Variants in TMEM47 observed in about 807,000 individuals in gnomAD.
TMEM47 encodes transmembrane protein 47, also known as brain cell membrane protein 1.
Under a neutral mutation model 12.4 loss-of-function variants are expected in TMEM47, and 3 were observed. The ratio of observed to expected loss-of-function variants is 0.24; its 90% CI spans 0.11 to 0.63. TMEM47 has a LOEUF of 0.63. TMEM47 is among the 20% of genes least tolerant of loss of function. The pLI, the probability that TMEM47 is intolerant of heterozygous loss-of-function variation, is 0.86. For synonymous variants in TMEM47, 62 were observed against 63.3 expected, an observed-to-expected ratio of 0.98 and a Z score of 0.10; for missense variants, 89 against 143.8, an observed-to-expected ratio of 0.62 and a Z score of 1.95.
intron 2 of TMEM47, among the ~76,000 whole-genome samples, chrX:34,636,347 C>A (rs780103232): frequency 6.3e-5 from 7 of 111,619 alleles, no homozygotes; most frequent in African/African-American, 2.3e-4. Flanking sequence ...TTATAGGAGG[C>A]TTTCTGCAGA....
At chrX:34,652,007 A>T (rs1444554675) in intron 1 of TMEM47, among the ~76,000 whole-genome samples, 2 of 112,309 alleles carry the variant, frequency 1.8e-5, no homozygotes, top group African/African-American at 6.5e-5. Context: ...TAACACTAAC[A>T]AACAGGCACT....
intron 2 of TMEM47, among the ~76,000 whole-genome samples, chrX:34,635,309 C>T (rs1343022023): frequency 8.9e-6 from 1 of 112,077 alleles, no homozygotes. Flanking sequence ...TGACAACTGG[C>T]TTGATAATGT....
rs139523998 is a variant in TMEM47 at position 34,635,808 on chromosome X, A to G, written c.367+3439T>C. ...TAGGGAAAAGTTGTGGCCTCGACTA[A>G]GGCAATAATGATGGTGTACGAAAAA... is the stretch of plus-strand genomic sequence containing the variant. On this transcript the variant is annotated intron_variant, in intron 2 of 2. Coordinates refer to ENST00000275954, the MANE Select transcript of TMEM47 (RefSeq NM_031442.4). Among the ~76,000 whole-genome samples the G allele has an allele frequency of 1.8e-3, 191 of 105,481 alleles. 1 individual carries two copies. The Admixed American group carries it at 0.018, about 10-fold the overall frequency. 91.6% of individuals were successfully genotyped at this position (105,481 alleles called of 115,157 possible). A position where few individuals can be genotyped will look rare whatever the true frequency, so the allele number is the denominator to read the frequency against.
chrX:34,631,117 G>A (rs1262945455), intron 2 of TMEM47, among the ~76,000 whole-genome samples: 1 of 86,035 alleles, frequency 1.2e-5, no homozygotes, highest in African/African-American at 4.5e-5. Context: ...GTTGCAGTGA[G>A]CTGAGATCAT....
chrX:34,634,121 T>C (rs1037936522), intron 2 of TMEM47, among the ~76,000 whole-genome samples: 1 of 111,336 alleles, frequency 9.0e-6, no homozygotes, highest in African/African-American at 3.3e-5. Context: ...ATACTATATT[T>C]CTATTTTACT....
At chrX:34,648,020 A>G (rs888035229) in intron 1 of TMEM47, among the ~76,000 whole-genome samples, 10 of 111,812 alleles carry the variant, frequency 8.9e-5, no homozygotes, top group Non-Finnish European at 1.7e-4. Flanking sequence ...AGGGATAATT[A>G]TAAAACACTG....
rs1184480996 is a variant in TMEM47 at position 34,631,614 on chromosome X, C to T, written c.368-1123G>A. ...CTGTAACAGAGGTCAAAACTTAGCT[C>T]TTAGTCCCTGGTTAGATCCTACTTC... On this transcript the variant is annotated intron_variant, in intron 2 of 2. Transcript: ENST00000275954. Among the ~76,000 whole-genome samples the T allele has an allele frequency of 2.7e-5, 3 of 111,976 alleles. No individual in the cohort carries two copies. In the East Asian group the frequency reaches 8.4e-4, roughly 31 times the overall value.
rs1287600212 is a variant in TMEM47, at chrX:34,629,687, A to C, written c.*626T>G. 8.9e-6 allele frequency: 1 copy of C among 111,735 alleles called. No homozygotes were observed. The allele number at this position is 111,735 out of a possible 1,213,427, so 9.2% of individuals were successfully genotyped here. On this transcript the variant is annotated 3_prime_UTR_variant, in exon 3 of 3. Transcript: ENST00000275954. ...AATTTCTAACCACATAATGAGAAGC[A>C]CATGTCTCCAAGTCTTGACTCTCTT...
intron 1 of TMEM47, 27 bp from the exon 2 acceptor site, chrX:34,639,414 G>A: frequency 8.4e-7 from 1 of 1,190,093 alleles, no homozygotes; most frequent in Non-Finnish European, 1.1e-6. Flanking sequence ...AATTGTTTTT[G>A]AGTAGTAAGT....
chrX:34,642,308 A>C (rs1445189672), intron 1 of TMEM47, among the ~76,000 whole-genome samples: 2 of 112,875 alleles, frequency 1.8e-5, no homozygotes, highest in Non-Finnish European at 3.7e-5. Flanking sequence ...CACACAATGA[A>C]GTTAATTTAA....
At chrX:34,653,241 T>G in intron 1 of TMEM47, among the ~76,000 whole-genome samples, 1 of 112,195 alleles carries the variant, frequency 8.9e-6, no homozygotes, top group East Asian at 2.8e-4. Flanking sequence ...TATTAGCATA[T>G]GGTATACTGC....
chrX:34,652,844 G>C (rs967438441), intron 1 of TMEM47, among the ~76,000 whole-genome samples: 19 of 111,932 alleles, frequency 1.7e-4, no homozygotes, highest in Admixed American at 4.8e-4. Context: ...TTTCAAGGAA[G>C]CCAGAAGTGG....
At chrX:34,645,555 G>T (rs183060858) in intron 1 of TMEM47, among the ~76,000 whole-genome samples, 1 of 111,378 alleles carries the variant, frequency 9.0e-6, no homozygotes, top group Admixed American at 9.6e-5. Flanking sequence ...AAACTGAAAC[G>T]TTACTGAGGC....
intron 1 of TMEM47, among the ~76,000 whole-genome samples, chrX:34,650,668 T>A (rs1922002597): frequency 8.9e-6 from 1 of 112,405 alleles, no homozygotes; most frequent in African/African-American, 3.2e-5. Context: ...TATCATCAGA[T>A]GCATTCATAA....
At chrX:34,644,521 C>T (rs1169549350) in intron 1 of TMEM47, among the ~76,000 whole-genome samples, 2 of 111,891 alleles carry the variant, frequency 1.8e-5, no homozygotes, top group African/African-American at 6.5e-5. Context: ...ATGCACAAAA[C>T]CAGTTCCTAA....
At chrX:34,649,710 TA>T (rs887676824) in intron 1 of TMEM47, among the ~76,000 whole-genome samples, 38 of 108,499 alleles carry the variant, frequency 3.5e-4, no homozygotes, top group African/African-American at 5.4e-4. Flanking sequence ...AAATAAAAGT[TA>T]AAAAAAAAAT....
chrX:34,631,166 G>C (rs1390559357), intron 2 of TMEM47, among the ~76,000 whole-genome samples: 1 of 42,386 alleles, frequency 2.4e-5, no homozygotes, highest in African/African-American at 1.1e-4. Context: ...GCCAGACTCT[G>C]TCTCAAAAAA....
chrX:34,629,900 G>A lies in TMEM47; in HGVS notation c.*413C>T, dbSNP rs903061482. Reference sequence around the variant, plus strand: ...TAGTCATTGGGTAGGATAAGCAGGCGGTAAGGGCTCTAACAGTGGAATCCT... The same window carrying A: ...TAGTCATTGGGTAGGATAAGCAGGCAGTAAGGGCTCTAACAGTGGAATCCT... On this transcript the variant is annotated 3_prime_UTR_variant, in exon 3 of 3. Coordinates refer to ENST00000275954, the MANE Select transcript of TMEM47 (RefSeq NM_031442.4). 1.7e-5 allele frequency: 2 copies of A among 115,147 alleles called. No individual in the cohort carries two copies. Among genetic ancestry groups the A allele is most frequent in the Non-Finnish European group, 1.8e-5 (1 of 55,609 alleles). 9.5% of individuals were successfully genotyped at this position (115,147 alleles called of 1,213,427 possible). A position where few individuals can be genotyped will look rare whatever the true frequency, so the allele number is the denominator to read the frequency against.
chrX:34,639,630 A>G lies in TMEM47; in HGVS notation c.227-243T>C, dbSNP rs184577171. Among the ~76,000 whole-genome samples the G allele has an allele frequency of 2.0e-3, 227 of 111,298 alleles. 1 individual carries two copies. Among genetic ancestry groups the G allele is most frequent in the African/African-American group, 7.0e-3 (216 of 30,649 alleles). ...GGTTTGCTAGGATTTTCTTCCAAGGACTCTATTAGGCATTCATGTTAAATC... is the reference window on the plus strand; with the variant it reads ...GGTTTGCTAGGATTTTCTTCCAAGGGCTCTATTAGGCATTCATGTTAAATC... On this transcript the variant is annotated intron_variant, in intron 1 of 2. Coordinates refer to ENST00000275954, the MANE Select transcript of TMEM47 (RefSeq NM_031442.4).
Sources: allele counts gnomAD v4.1 joint callset (sites outside exome capture counted in the v4.1 genomes callset), GRCh38; gene constraint gnomAD v4.1.1; transcripts MANE v1.5; gene names NCBI Gene and HGNC (gene_info 2026-07-23, HGNC 2026-07-21).